Variants in NREP observed in about 807,000 individuals in gnomAD.
The protein encoded by NREP is neuronal regeneration-related protein.
A neutral mutation model predicts 8.6 loss-of-function variants in NREP; 5 were observed. The ratio of observed to expected loss-of-function variants is 0.58; its 90% CI spans 0.30 to 1.22. The LOEUF is 1.22. Among genes scored for constraint, NREP ranks in the 50% most tolerant of loss-of-function variants. The probability of loss-of-function intolerance (pLI) is 0.07; values close to 1 mark genes in which losing one functional copy is unlikely to be tolerated. For synonymous variants in NREP, 27 were observed against 28.0 expected, an observed-to-expected ratio of 0.96 and a Z score of 0.11; for missense variants, 86 against 82.5, an observed-to-expected ratio of 1.04 and a Z score of -0.17.
At chr5:111,893,342 C>T (rs538843484) in intron 2 of NREP, among the ~76,000 whole-genome samples, 2 of 152,090 alleles carry the variant, frequency 1.3e-5, no homozygotes, top group East Asian at 1.9e-4. Flanking sequence ...TAATTGAGGG[C>T]TTTTAAGAAA....
chr5:111,956,754 A>G (rs1209510907), intron 2 of NREP, among the ~76,000 whole-genome samples: 1 of 152,030 alleles, frequency 6.6e-6, no homozygotes, highest in African/African-American at 2.4e-5. Context: ...ACTGGAGGCC[A>G]TGAGTTTGAG....
At chr5:111,882,714 T>C (rs1754118585) in intron 2 of NREP, among the ~76,000 whole-genome samples, 1 of 152,040 alleles carries the variant, frequency 6.6e-6, no homozygotes, top group Admixed American at 6.6e-5. Context: ...GAATTTCATA[T>C]CCAGCCAAAC....
intron 2 of NREP, among the ~76,000 whole-genome samples, chr5:111,902,534 C>T (rs1173123418): frequency 3.3e-5 from 5 of 152,028 alleles, no homozygotes; most frequent in African/African-American, 7.2e-5. Flanking sequence ...ACAGCTACCA[C>T]GAGGTAGAAA....
intron 2 of NREP, among the ~76,000 whole-genome samples, chr5:111,971,886 A>G (rs1246355500): frequency 6.6e-6 from 1 of 152,180 alleles, no homozygotes; most frequent in Non-Finnish European, 1.5e-5. Flanking sequence ...GCAAAAATAG[A>G]CAAAAAAGGA....
At chr5:111,839,039 C>A (rs1039374834) in intron 2 of NREP, among the ~76,000 whole-genome samples, 13 of 152,108 alleles carry the variant, frequency 8.5e-5, no homozygotes, top group African/African-American at 2.9e-4. Flanking sequence ...AATGGGATGT[C>A]ATGACGTTTC....
At position 111,730,785 on chromosome 5, in the gene NREP, A is replaced by T; in HGVS notation, c.*136T>A. 9.7e-7 allele frequency: 1 copy of T among 1,027,368 alleles called. No homozygotes were observed. Among genetic ancestry groups the T allele is most frequent in the Non-Finnish European group, 1.4e-6 (1 of 713,196 alleles). The allele number at this position is 1,027,368 out of a possible 1,614,324, so 63.6% of individuals were successfully genotyped here. Reference sequence around the variant, plus strand: ...GATGACACCTATTTGTCCACTGTAAATTCTCTAAAGCAAGGCTCAGAGTCC... The same window carrying T: ...GATGACACCTATTTGTCCACTGTAATTTCTCTAAAGCAAGGCTCAGAGTCC... On this transcript the variant is annotated 3_prime_UTR_variant, in exon 4 of 4. Coordinates refer to ENST00000257435, the MANE Select transcript of NREP (RefSeq NM_004772.4).
In NREP at chr5:111,884,808, T is replaced by A. The variant is rs976726339; in HGVS notation, c.135+90466A>T. Reference sequence around the variant, plus strand: ...GCTAAAAACTCTCAATAAATTAGGTTTTGATGGGACGTATCTCAAAATAAT... The same window carrying A: ...GCTAAAAACTCTCAATAAATTAGGTATTGATGGGACGTATCTCAAAATAAT... On this transcript the variant is annotated intron_variant, in intron 2 of 3. Coordinates refer to the NREP transcript ENST00000395634. Among the ~76,000 whole-genome samples, 86 of 151,744 alleles carry A rather than the reference T, an allele frequency of 5.7e-4. 1 individual carries two copies. Among genetic ancestry groups the A allele is most frequent in the African/African-American group, 1.7e-3 (72 of 41,422 alleles).
At chr5:111,962,917 T>A (rs564959991) in intron 2 of NREP, among the ~76,000 whole-genome samples, 7 of 152,314 alleles carry the variant, frequency 4.6e-5, no homozygotes, top group Non-Finnish European at 1.0e-4. Flanking sequence ...CATCACTAAA[T>A]AAAATTCTCT....
intron 2 of NREP, among the ~76,000 whole-genome samples, chr5:111,780,941 A>G (rs1751479273): frequency 6.6e-6 from 1 of 152,116 alleles, no homozygotes; most frequent in Non-Finnish European, 1.5e-5. Flanking sequence ...GCAGGTTTGT[A>G]ATGTAGGTAA....
intron 2 of NREP, among the ~76,000 whole-genome samples, chr5:111,806,051 T>C (rs138149518): frequency 1.1e-3 from 172 of 152,302 alleles, no homozygotes; most frequent in African/African-American, 3.8e-3. Context: ...AGAAACATAA[T>C]TGGTAAATCT....
At position 111,870,046 on chromosome 5, in the gene NREP, T is replaced by C. The variant is rs559520279; in HGVS notation, c.135+105228A>G. ...CTCTCCAGGTAGACTATTGACCTAA[T>C]AATGCCCTTGCAGGGGTGGCCAGCC... On this transcript the variant is annotated intron_variant, in intron 2 of 3. Coordinates refer to the NREP transcript ENST00000395634. Among the ~76,000 whole-genome samples, 5 of 152,282 alleles carry C rather than the reference T, an allele frequency of 3.3e-5. No homozygotes were observed. In the South Asian group the frequency reaches 8.3e-4, roughly 25 times the overall value.
intron 2 of NREP, among the ~76,000 whole-genome samples, chr5:111,952,467 C>T (rs934596263): frequency 3.9e-5 from 6 of 152,086 alleles, no homozygotes; most frequent in East Asian, 1.9e-4. Context: ...ATTGACCAGT[C>T]GAGGTTATTA....
chr5:111,915,577 T>C (rs1349055260), intron 2 of NREP, among the ~76,000 whole-genome samples: 1 of 152,084 alleles, frequency 6.6e-6, no homozygotes, highest in Admixed American at 6.6e-5. Flanking sequence ...TCTCTTCTGC[T>C]AGGAAATATG....
At chr5:111,939,412 AT>A (rs1036050864) in intron 2 of NREP, among the ~76,000 whole-genome samples, 32 of 151,928 alleles carry the variant, frequency 2.1e-4, no homozygotes, top group African/African-American at 7.7e-4. Flanking sequence ...AGCAATCAGC[AT>A]TTTTTCCCAG....
At chr5:111,845,218 G>T (rs578230290) in intron 2 of NREP, among the ~76,000 whole-genome samples, 17 of 151,908 alleles carry the variant, frequency 1.1e-4, no homozygotes, top group African/African-American at 4.1e-4. Context: ...CACTGTGTGG[G>T]CTTGGGGTGG....
At chr5:111,796,069 G>A (rs1315160270) in intron 2 of NREP, among the ~76,000 whole-genome samples, 5 of 152,104 alleles carry the variant, frequency 3.3e-5, no homozygotes, top group African/African-American at 9.7e-5. Flanking sequence ...TTTTTATTGG[G>A]CTAAAACCAA....
intron 2 of NREP, among the ~76,000 whole-genome samples, chr5:111,777,316 T>C (rs1561662373): frequency 6.6e-6 from 1 of 151,966 alleles, no homozygotes; most frequent in East Asian, 1.9e-4. Context: ...ACTGAGAATG[T>C]TTATGTTTGC....
chr5:111,794,510 C>A (rs1751831088), intron 2 of NREP, among the ~76,000 whole-genome samples: 1 of 152,170 alleles, frequency 6.6e-6, no homozygotes, highest in African/African-American at 2.4e-5. Context: ...GAAATTAGTT[C>A]TTCAACCATG....
At chr5:111,899,361 A>AAAATT (rs1336772040) in intron 2 of NREP, among the ~76,000 whole-genome samples, 1 of 152,112 alleles carries the variant, frequency 6.6e-6, no homozygotes, top group African/African-American at 2.4e-5. Context: ...AGAACATTTA[A>AAAATT]AAATTAGTCA....
Sources: allele counts gnomAD v4.1 joint callset (sites outside exome capture counted in the v4.1 genomes callset), GRCh38; gene constraint gnomAD v4.1.1; transcripts MANE v1.5; gene names NCBI Gene and HGNC (gene_info 2026-07-23, HGNC 2026-07-21).